Variants in LRRC4B observed in about 807,000 individuals in gnomAD.
LRRC4B encodes the protein leucine-rich repeat-containing protein 4B.
Under a neutral mutation model 7.3 loss-of-function variants are expected in LRRC4B, and 1 was observed. That is an observed-to-expected ratio of 0.14 (90% CI 0.05 to 0.65). The LOEUF is 0.65. Among genes scored for constraint, LRRC4B ranks in the 30% least tolerant of loss-of-function variants. LRRC4B has a pLI of 0.84. For missense variants in LRRC4B, 730 were observed against 1,041.6 expected, an observed-to-expected ratio of 0.70 and a Z score of 4.12; for synonymous variants, 500 against 499.2, an observed-to-expected ratio of 1.00 and a Z score of -0.02.
chr19:50,527,031 T>G (rs1292770678), intron 2 of LRRC4B, among the ~76,000 whole-genome samples: 2 of 128,080 alleles, frequency 1.6e-5, no homozygotes, highest in Admixed American at 8.3e-5. Context: ...TTTTTGTATT[T>G]TTGTATTTTT....
At chr19:50,561,204 C>G (rs1197648755) in intron 1 of LRRC4B, among the ~76,000 whole-genome samples, 1 of 143,030 alleles carries the variant, frequency 7.0e-6, no homozygotes, top group Non-Finnish European at 1.5e-5. Flanking sequence ...CATTGTAAAT[C>G]CAGCATTTCT....
chr19:50,565,179 GGT>G (rs1982588811), intron 1 of LRRC4B, among the ~76,000 whole-genome samples: 1 of 152,158 alleles, frequency 6.6e-6, no homozygotes, highest in Non-Finnish European at 1.5e-5. Context: ...CACTCGGTTT[GGT>G]GTGTGCGCCA....
At chr19:50,546,365 A>G (rs1555808170) in intron 2 of LRRC4B, among the ~76,000 whole-genome samples, 1 of 151,802 alleles carries the variant, frequency 6.6e-6, no homozygotes, top group Non-Finnish European at 1.5e-5. Flanking sequence ...TACAAAAATA[A>G]AGAGCCTCTG....
chr19:50,531,708 G>T (rs1397274620), intron 2 of LRRC4B, among the ~76,000 whole-genome samples: 1 of 152,156 alleles, frequency 6.6e-6, no homozygotes, highest in Non-Finnish European at 1.5e-5. Context: ...TTGAGGCTGG[G>T]TTTGAATCCT....
At chr19:50,520,754 T>C (rs937535981) in intron 2 of LRRC4B, among the ~76,000 whole-genome samples, 5 of 152,076 alleles carry the variant, frequency 3.3e-5, no homozygotes, top group African/African-American at 7.2e-5. Flanking sequence ...CTGGGCAACA[T>C]TGGGAGACCC....
chr19:50,565,883 G>T (rs1447646014), intron 1 of LRRC4B, among the ~76,000 whole-genome samples: 2 of 152,058 alleles, frequency 1.3e-5, no homozygotes, highest in African/African-American at 4.8e-5. Flanking sequence ...GTGACTCCGT[G>T]CTGATGCCCT....
chr19:50,547,432 C>T (rs959199871), intron 2 of LRRC4B, among the ~76,000 whole-genome samples: 28 of 151,924 alleles, frequency 1.8e-4, no homozygotes, highest in Admixed American at 2.0e-4. Flanking sequence ...GAAAAGCAGC[C>T]GCATTTCTTA....
At chr19:50,560,298 G>A (rs1197817824) in intron 1 of LRRC4B, among the ~76,000 whole-genome samples, 1 of 152,076 alleles carries the variant, frequency 6.6e-6, no homozygotes, top group Non-Finnish European at 1.5e-5. Context: ...GAAGAATGAA[G>A]CCCCCTCCTC....
chr19:50,547,503 C>A (rs1981865163), intron 2 of LRRC4B, among the ~76,000 whole-genome samples: 1 of 151,840 alleles, frequency 6.6e-6, no homozygotes, highest in Admixed American at 6.6e-5. Context: ...GCATCGGCAC[C>A]CTCTTCTCTC....
chr19:50,548,942 C>G lies in LRRC4B; in HGVS notation c.-35-69G>C. ...GGAGCCCATGTGGCCTGGGTGCTTG[C>G]CAACACCCAGGCAGCCCCATCGCCG... On this transcript the variant is annotated intron_variant, in intron 1 of 2. Transcript: ENST00000652263. The surrounding 1 kb of genome is among the most constrained non-coding windows in gnomAD (Gnocchi z 6.8). 3.5e-6 allele frequency: 3 copies of G among 855,604 alleles called. No homozygotes were observed. The highest frequency in any genetic ancestry group is 5.2e-6 in the Non-Finnish European group (3 of 573,236). The allele number at this position is 855,604 out of a possible 1,614,324, so 53.0% of individuals were successfully genotyped here. A position where few individuals can be genotyped will look rare whatever the true frequency, so the allele number is the denominator to read the frequency against.
chr19:50,518,135 C>G lies in LRRC4B; in HGVS notation c.1578G>C (p.Arg526=). 6.3e-7 allele frequency: 1 copy of G among 1,597,658 alleles called. No individual in the cohort carries two copies. Residue 526 remains arginine, a synonymous_variant, in exon 3 of 3, where the codon CGG becomes CGC. Coordinates refer to ENST00000652263, the MANE Select transcript of LRRC4B (RefSeq NM_001080457.2). Reference sequence around the variant, plus strand: ...AGGCAGGGCCGGCCGCGTCCCCAGGCCGGCCCCCACCCCAGACACCGTCTG... The same window carrying G: ...AGGCAGGGCCGGCCGCGTCCCCAGGGCGGCCCCCACCCCAGACACCGTCTG... ...PTTDGVWGGG[R]PGDAAGPASS...
At chr19:50,538,453 G>A (rs1258992672) in intron 2 of LRRC4B, among the ~76,000 whole-genome samples, 2 of 152,052 alleles carry the variant, frequency 1.3e-5, no homozygotes, top group African/African-American at 4.8e-5. Flanking sequence ...GGGATCAGCC[G>A]CCTGGAAAAT....
chr19:50,531,687 G>A (rs1332188568), intron 2 of LRRC4B, among the ~76,000 whole-genome samples: 2 of 152,122 alleles, frequency 1.3e-5, no homozygotes, highest in Non-Finnish European at 2.9e-5. Context: ...GAGCAGCCTC[G>A]TGGGGGATGG....
chr19:50,524,655 A>G (rs370260903), intron 2 of LRRC4B, among the ~76,000 whole-genome samples: 9 of 152,212 alleles, frequency 5.9e-5, no homozygotes, highest in Admixed American at 1.3e-4. Context: ...ATTTAGCTCA[A>G]CAGGTCCAAA....
chr19:50,541,089 CAGG>C (rs1308354629), intron 2 of LRRC4B, among the ~76,000 whole-genome samples: 1 of 151,478 alleles, frequency 6.6e-6, no homozygotes. Flanking sequence ...GAGGCTGAAG[CAGG>C]AGAATGGCGT....
chr19:50,549,279 C>T (rs1048848964), intron 1 of LRRC4B, among the ~76,000 whole-genome samples: 3 of 152,134 alleles, frequency 2.0e-5, no homozygotes, highest in Non-Finnish European at 2.9e-5. Flanking sequence ...ACAGACAAGG[C>T]GAGGGGGCAG....
At chr19:50,557,281 TACGGG>T (rs1599785680) in intron 1 of LRRC4B, among the ~76,000 whole-genome samples, 2 of 152,026 alleles carry the variant, frequency 1.3e-5, no homozygotes, top group African/African-American at 4.8e-5. Context: ...GGGAAGCAGT[TACGGG>T]GAGAAGAGAA....
chr19:50,532,119 C>T (rs1236626123), intron 2 of LRRC4B, among the ~76,000 whole-genome samples: 1 of 152,114 alleles, frequency 6.6e-6, no homozygotes, highest in Non-Finnish European at 1.5e-5. Flanking sequence ...TCCTGTAGTC[C>T]CAGCTACTTG....
At chr19:50,535,163 C>A (rs919950573) in intron 2 of LRRC4B, among the ~76,000 whole-genome samples, 5 of 151,562 alleles carry the variant, frequency 3.3e-5, no homozygotes, top group Non-Finnish European at 5.9e-5. Context: ...CCACCACGCC[C>A]GGCCTGTTTA....
Sources: gnomAD v4.1 joint callset for allele counts (sites outside exome capture counted in the v4.1 genomes callset) on GRCh38, gnomAD v4.1.1 for gene constraint, Gnocchi (gnomAD v3.1) non-coding constraint, MANE v1.5 for transcripts, NCBI Gene and HGNC (gene_info 2026-07-23, HGNC 2026-07-21) for gene names.